RSRC1: variants seen among roughly 807,000 people sequenced by gnomAD.
RSRC1 encodes the protein arginine and serine rich coiled-coil 1.
Under a neutral mutation model 49.1 loss-of-function variants are expected in RSRC1, and 39 were observed. That is an observed-to-expected ratio of 0.79 (90% CI 0.61 to 1.04). The LOEUF is 1.04. RSRC1 is among the 50% of genes least tolerant of loss of function. The pLI, the probability that RSRC1 is intolerant of heterozygous loss-of-function variation, is 0.00. For synonymous variants in RSRC1, 143 were observed against 130.8 expected (o/e 1.09, Z -0.63); for missense variants, 388 against 402.4 (o/e 0.96, Z 0.31).
At chr3:158,151,232 A>C (rs571600998) in intron 3 of RSRC1, among the ~76,000 whole-genome samples, 10 of 152,212 alleles carry the variant, frequency 6.6e-5, no homozygotes, top group Non-Finnish European at 1.2e-4. Flanking sequence ...AAATCTGTGT[A>C]TATTTTATGC....
intron 2 of RSRC1, 117 bp downstream of exon 2, chr3:158,122,415 T>A (rs1385480205): frequency 7.9e-6 from 6 of 763,094 alleles, no homozygotes; most frequent in Non-Finnish European, 1.2e-5. Flanking sequence ...TATATATTTA[T>A]GAAAGTCCCA....
At chr3:158,359,552 T>C (rs1228682120) in intron 6 of RSRC1, among the ~76,000 whole-genome samples, 1 of 152,100 alleles carries the variant, frequency 6.6e-6, no homozygotes, top group Non-Finnish European at 1.5e-5. Context: ...CTGCAGCTGG[T>C]CCGGGCACAC....
chr3:158,371,987 A>G (rs1732102566), intron 6 of RSRC1, among the ~76,000 whole-genome samples: 1 of 149,290 alleles, frequency 6.7e-6, no homozygotes, highest in South Asian at 2.1e-4. Context: ...GTGATTATTT[A>G]CCATAATAGG....
At chr3:158,486,516 C>T (rs1163349846) in intron 7 of RSRC1, among the ~76,000 whole-genome samples, 1 of 152,054 alleles carries the variant, frequency 6.6e-6, no homozygotes, top group African/African-American at 2.4e-5. Flanking sequence ...AAATAAGCTC[C>T]AGTAAAGAAA....
chr3:158,175,334 C>T (rs1719140400), intron 3 of RSRC1, among the ~76,000 whole-genome samples: 1 of 151,942 alleles, frequency 6.6e-6, no homozygotes, highest in African/African-American at 2.4e-5. Context: ...AATGTAGCAG[C>T]CTTTCCTTTG....
chr3:158,295,103 C>T (rs1326561830), intron 4 of RSRC1, among the ~76,000 whole-genome samples: 1 of 151,946 alleles, frequency 6.6e-6, no homozygotes, highest in African/African-American at 2.4e-5. Flanking sequence ...GGACATGCCC[C>T]GAGTGTTAAT....
intron 7 of RSRC1, among the ~76,000 whole-genome samples, chr3:158,526,652 A>G (rs1421340374): frequency 1.3e-5 from 2 of 151,950 alleles, no homozygotes; most frequent in East Asian, 3.9e-4. Context: ...TTAATTTCCT[A>G]TTTCTGAACC....
intron 7 of RSRC1, among the ~76,000 whole-genome samples, chr3:158,479,404 TATTCC>T (rs1738521212): frequency 6.6e-6 from 1 of 151,824 alleles, no homozygotes; most frequent in Non-Finnish European, 1.5e-5. Flanking sequence ...ACCACTGCCC[TATTCC>T]ATTCATTTTG....
intron 5 of RSRC1, among the ~76,000 whole-genome samples, chr3:158,325,993 A>T (rs976441222): frequency 1.3e-5 from 2 of 152,144 alleles, no homozygotes; most frequent in African/African-American, 4.8e-5. Context: ...TTGAAGCAAT[A>T]GTGAATAGCA....
Position 158,545,422 on chromosome 3 carries a change from A to G in RSRC1, c.*1147A>G, listed in dbSNP as rs944291816. 7.3e-5 allele frequency: 11 copies of G among 151,492 alleles called. No individual in the cohort carries two copies. Among genetic ancestry groups the G allele is most frequent in the African/African-American group, 2.2e-4 (9 of 41,290 alleles). The allele number at this position is 151,492 out of a possible 1,614,324, so 9.4% of individuals were successfully genotyped here. On this transcript the variant is annotated 3_prime_UTR_variant, in exon 10 of 10. Transcript: ENST00000611884. ...TTCACCATTTTAGCCAGGATGGTCT[A>G]TTTTCTTCTGTTGTCCAGTCACTAA...
intron 6 of RSRC1, among the ~76,000 whole-genome samples, chr3:158,363,753 G>A (rs1362297055): frequency 6.6e-6 from 1 of 151,990 alleles, no homozygotes; most frequent in African/African-American, 2.4e-5. Context: ...TACCACAAAG[G>A]GATTAAAGCA....
At chr3:158,472,304 G>A (rs1038411156) in intron 7 of RSRC1, among the ~76,000 whole-genome samples, 1 of 151,886 alleles carries the variant, frequency 6.6e-6, no homozygotes, top group African/African-American at 2.4e-5. Context: ...ATTGTGTTTT[G>A]TTAGAAAAAA....
chr3:158,229,417 T>TATGTATGTATGTATATACACATATACAC (rs1722820749), intron 4 of RSRC1, among the ~76,000 whole-genome samples: 2 of 126,298 alleles, frequency 1.6e-5, no homozygotes, highest in Admixed American at 7.9e-5. Flanking sequence ...CGTATATGTG[T>TATGTATGTATGTATATACACATATACAC]ATGTATGTAT....
intron 5 of RSRC1, among the ~76,000 whole-genome samples, chr3:158,347,600 G>A (rs146826282): frequency 7.2e-4 from 110 of 152,200 alleles, no homozygotes; most frequent in African/African-American, 2.6e-3. Context: ...AGGCAGGAGT[G>A]CAGTACACAA....
intron 6 of RSRC1, among the ~76,000 whole-genome samples, chr3:158,446,819 A>G (rs1341387485): frequency 2.0e-5 from 3 of 152,018 alleles, no homozygotes; most frequent in Non-Finnish European, 4.4e-5. Context: ...AGTAAAGGTC[A>G]TATGTTGGTT....
intron 4 of RSRC1, among the ~76,000 whole-genome samples, chr3:158,263,809 T>C (rs1725025211): frequency 6.6e-6 from 1 of 152,162 alleles, no homozygotes; most frequent in South Asian, 2.1e-4. Flanking sequence ...CCTAAGGTGT[T>C]GAATTTATAA....
intron 7 of RSRC1, among the ~76,000 whole-genome samples, chr3:158,463,008 T>A (rs982614853): frequency 2.0e-5 from 3 of 151,966 alleles, no homozygotes; most frequent in Admixed American, 1.3e-4. Context: ...TAGTAGAAAC[T>A]CAGTTTCTTG....
intron 7 of RSRC1, among the ~76,000 whole-genome samples, chr3:158,497,491 C>G (rs1393990376): frequency 6.7e-6 from 1 of 148,394 alleles, no homozygotes; most frequent in Non-Finnish European, 1.5e-5. Context: ...GGTTGGAGTG[C>G]AGTGGCTCAA....
intron 5 of RSRC1, among the ~76,000 whole-genome samples, chr3:158,300,228 G>A (rs1727463268): frequency 6.6e-6 from 1 of 152,104 alleles, no homozygotes; most frequent in Admixed American, 6.6e-5. Flanking sequence ...CATACAGTTA[G>A]GTAGTAAGAA....
Sources: gnomAD v4.1 joint callset for allele counts (sites outside exome capture counted in the v4.1 genomes callset) on GRCh38, gnomAD v4.1.1 for gene constraint, MANE v1.5 for transcripts, NCBI Gene and HGNC (gene_info 2026-07-23, HGNC 2026-07-21) for gene names.